CPNE5: variants seen among roughly 807,000 people sequenced by gnomAD.
CPNE5 encodes the protein copine-5.
Under a neutral mutation model 81.1 loss-of-function variants are expected in CPNE5, and 42 were observed. The observed-to-expected ratio is 0.52, with a 90% confidence interval of 0.40 to 0.67. CPNE5 has a LOEUF of 0.67. CPNE5 is among the 30% of genes least tolerant of loss of function. The probability of loss-of-function intolerance (pLI) is 0.00; values close to 1 mark genes in which losing one functional copy is unlikely to be tolerated. For synonymous variants in CPNE5, 313 were observed against 321.5 expected (o/e 0.97, Z 0.28); for missense variants, 612 against 815.5 (o/e 0.75, Z 3.04).
intron 10 of CPNE5, among the ~76,000 whole-genome samples, chr6:36,768,846 G>T (rs1287448441): frequency 1.3e-5 from 2 of 152,240 alleles, no homozygotes; most frequent in East Asian, 3.8e-4. Context: ...AGCCCTGGCT[G>T]GCAGTCTCAG....
Position 36,822,241 on chromosome 6 carries a change from G to T in CPNE5, c.137-81C>A, listed in dbSNP as rs1289281672. The stretch of plus-strand genomic sequence containing the variant: ...TCCCAGATGAAAAGGATCCTGGCTG[G>T]GCAGGCGCCTCAGCAGACCCAGCCT... On this transcript the variant is annotated intron_variant, in intron 2 of 20. Transcript: ENST00000244751. The T allele has an allele frequency of 1.0e-5, 13 of 1,255,058 alleles. No homozygotes were observed. In the East Asian group the frequency reaches 3.0e-4, roughly 29 times the overall value. 77.7% of individuals were successfully genotyped at this position (1,255,058 alleles called of 1,614,324 possible). A position where few individuals can be genotyped will look rare whatever the true frequency, so the allele number is the denominator to read the frequency against.
chr6:36,770,479 C>T (rs139781270), intron 10 of CPNE5, among the ~76,000 whole-genome samples: 140 of 152,320 alleles, frequency 9.2e-4, no homozygotes, highest in African/African-American at 3.2e-3. Flanking sequence ...CTGGCTTCTA[C>T]ACCCATCATT....
Position 36,825,041 on chromosome 6 carries a change from G to C in CPNE5, c.96-1943C>G, listed in dbSNP as rs557930360. Among the ~76,000 whole-genome samples, 173 of 152,330 alleles carry C rather than the reference G, an allele frequency of 1.1e-3. 1 individual carries two copies. The highest frequency in any genetic ancestry group is 5.4e-3 in the Admixed American group (83 of 15,302). ...TCCATGATGGGGACATGAAAGACCAGGGAGAGGCAAAGGGCGACCGTGGCC... is the reference window on the plus strand; with the variant it reads ...TCCATGATGGGGACATGAAAGACCACGGAGAGGCAAAGGGCGACCGTGGCC... On this transcript the variant is annotated intron_variant, in intron 1 of 20. Transcript: ENST00000244751.
intron 14 of CPNE5, among the ~76,000 whole-genome samples, chr6:36,750,951 C>T (rs1248982939): frequency 6.6e-6 from 1 of 152,258 alleles, no homozygotes; most frequent in Non-Finnish European, 1.5e-5. Flanking sequence ...AGCCTAGTGT[C>T]TCCTGCCTAA....
intron 8 of CPNE5, among the ~76,000 whole-genome samples, chr6:36,788,779 T>C (rs374422793): frequency 6.8e-6 from 1 of 147,422 alleles, no homozygotes; most frequent in East Asian, 2.2e-4. Context: ...AGTATTTGGA[T>C]CAAATTCTGA....
chr6:36,766,699 G>A lies in CPNE5; in HGVS notation c.738-1323C>T, dbSNP rs138897345. Among the ~76,000 whole-genome samples, 2,749 of 152,206 alleles carry A rather than the reference G, an allele frequency of 0.018. 32 individuals carry two copies. The highest frequency in any genetic ancestry group is 0.027 in the Middle Eastern group (8 of 294). Reference sequence around the variant, plus strand: ...ACCTGAGATGTCACTTAATCTCCCCGAGCCATAAGCCACCATTGAAAGGAG... The same window carrying A: ...ACCTGAGATGTCACTTAATCTCCCCAAGCCATAAGCCACCATTGAAAGGAG... On this transcript the variant is annotated intron_variant, in intron 10 of 20. Coordinates refer to ENST00000244751, the MANE Select transcript of CPNE5 (RefSeq NM_020939.2). This position sits in a 1 kb window ranked among gnomAD's most constrained non-coding sequence, Gnocchi z 4.2.
At chr6:36,805,419 T>A (rs1770503374) in intron 3 of CPNE5, among the ~76,000 whole-genome samples, 1 of 152,240 alleles carries the variant, frequency 6.6e-6, no homozygotes, top group South Asian at 2.1e-4. Context: ...CTGAGGATAC[T>A]GGGAGTGGGG....
chr6:36,793,326 C>A (rs972966429), intron 7 of CPNE5, among the ~76,000 whole-genome samples: 2 of 152,174 alleles, frequency 1.3e-5, no homozygotes, highest in Non-Finnish European at 2.9e-5. Context: ...TCTGGGGCAT[C>A]CCCTGCCACG....
At chr6:36,821,531 T>C (rs1368580543) in intron 3 of CPNE5, among the ~76,000 whole-genome samples, 1 of 148,728 alleles carries the variant, frequency 6.7e-6, no homozygotes, top group Non-Finnish European at 1.5e-5. Flanking sequence ...CTCTCCCTAC[T>C]CCCTGTTACA....
intron 8 of CPNE5, among the ~76,000 whole-genome samples, chr6:36,783,595 C>T (rs1371300665): frequency 6.6e-6 from 1 of 152,158 alleles, no homozygotes; most frequent in Non-Finnish European, 1.5e-5. Flanking sequence ...CCTCAACCTC[C>T]TGGGCTCAAG....
intron 8 of CPNE5, 33 bp downstream of exon 8, chr6:36,792,000 C>A: frequency 3.7e-6 from 6 of 1,602,230 alleles, no homozygotes; most frequent in Non-Finnish European, 5.1e-6. Context: ...CCCACCCCAA[C>A]CACGTCCTGT....
At chr6:36,778,369 G>A (rs956593582) in intron 9 of CPNE5, among the ~76,000 whole-genome samples, 1 of 152,220 alleles carries the variant, frequency 6.6e-6, no homozygotes, top group Non-Finnish European at 1.5e-5. Flanking sequence ...CAGAGTGTGG[G>A]GCCGGGCAGC....
rs558969961 is a variant in CPNE5 at position 36,794,175 on chromosome 6, G to C, written c.464+415C>G. 8.6e-5 allele frequency among the ~76,000 whole-genome samples: 13 copies of C among 151,314 alleles called. 1 individual carries two copies. In the East Asian group the frequency reaches 1.2e-3, roughly 14 times the overall value. ...CAGCCAAAACAAGGGAGGGGAACAGGGGGGAAAGGATAAAGACAGGGGAGG... is the reference window on the plus strand; with the variant it reads ...CAGCCAAAACAAGGGAGGGGAACAGCGGGGAAAGGATAAAGACAGGGGAGG... On this transcript the variant is annotated intron_variant, in intron 7 of 20. Coordinates refer to ENST00000244751, the MANE Select transcript of CPNE5 (RefSeq NM_020939.2).
intron 8 of CPNE5, among the ~76,000 whole-genome samples, chr6:36,788,183 AC>A (rs1226966136): frequency 6.6e-6 from 1 of 151,414 alleles, no homozygotes; most frequent in Non-Finnish European, 1.5e-5. Context: ...GGCGTGCACC[AC>A]CACACCCTGC....
In CPNE5 at chr6:36,827,781, G is replaced by A. The variant is rs888383686; in HGVS notation, c.96-4683C>T. Reference sequence around the variant, plus strand: ...CCCTGACGAAGGGCCCGAGACACCAGGGCACAGACAAGACCAGACCACAAG... The same window carrying A: ...CCCTGACGAAGGGCCCGAGACACCAAGGCACAGACAAGACCAGACCACAAG... On this transcript the variant is annotated intron_variant, in intron 1 of 20. Transcript: ENST00000244751. 45 of 983,682 alleles carry A rather than the reference G, an allele frequency of 4.6e-5. No homozygotes were observed. In the African/African-American group the frequency reaches 7.3e-4, roughly 16 times the overall value. The allele number at this position is 983,682 out of a possible 1,614,324, so 60.9% of individuals were successfully genotyped here.
chr6:36,820,286 C>T (rs1771922112), intron 3 of CPNE5, among the ~76,000 whole-genome samples: 1 of 151,708 alleles, frequency 6.6e-6, no homozygotes, highest in Non-Finnish European at 1.5e-5. Context: ...GCAACAGCCA[C>T]CATGGCCTTG....
At chr6:36,762,439 C>T (rs1472577877) in intron 12 of CPNE5, among the ~76,000 whole-genome samples, 1 of 152,170 alleles carries the variant, frequency 6.6e-6, no homozygotes, top group Non-Finnish European at 1.5e-5. Flanking sequence ...GTCCGAGGCT[C>T]TCCAGCTCTG....
At chr6:36,742,680 T>C (rs1340893646) in intron 20 of CPNE5, 194 bp from the exon 21 acceptor site, 1 of 984,458 alleles carries the variant, frequency 1.0e-6, no homozygotes, top group Admixed American at 6.2e-5. Context: ...ACTATAGTCA[T>C]AGTCACTATT....
chr6:36,824,152 T>A (rs1772302237), intron 1 of CPNE5, among the ~76,000 whole-genome samples: 1 of 152,182 alleles, frequency 6.6e-6, no homozygotes, highest in African/African-American at 2.4e-5. Flanking sequence ...TTTCCTCTTG[T>A]GTCTGTTTCT....
Sources: allele counts gnomAD v4.1 joint callset (sites outside exome capture counted in the v4.1 genomes callset), GRCh38; gene constraint gnomAD v4.1.1; non-coding constraint Gnocchi (gnomAD v3.1); transcripts MANE v1.5; gene names NCBI Gene and HGNC (gene_info 2026-07-23, HGNC 2026-07-21).